Variants in STOX1 observed in about 807,000 individuals in gnomAD.
STOX1 encodes the protein storkhead-box protein 1.
A neutral mutation model predicts 74.8 loss-of-function variants in STOX1; 57 were observed. The observed-to-expected ratio is 0.76, with a 90% CI of 0.62 to 0.95. The LOEUF is 0.95. Among genes scored for constraint, STOX1 ranks in the 40% least tolerant of loss-of-function variants. The pLI, the probability that STOX1 is intolerant of heterozygous loss-of-function variation, is 0.00. For missense variants in STOX1, 1,010 were observed against 1,117.0 expected, an observed-to-expected ratio of 0.90 and a Z score of 1.37; for synonymous variants, 375 against 401.3, an observed-to-expected ratio of 0.93 and a Z score of 0.78.
intron 1 of STOX1, among the ~76,000 whole-genome samples, chr10:68,847,808 C>T (rs184714021): frequency 3.6e-4 from 54 of 151,756 alleles, no homozygotes; most frequent in African/African-American, 1.2e-3. Context: ...TCTCAACTAC[C>T]GAAACCTCCA....
intron 1 of STOX1, among the ~76,000 whole-genome samples, chr10:68,859,922 G>A (rs887665410): frequency 5.9e-5 from 9 of 151,814 alleles, no homozygotes; most frequent in Admixed American, 1.3e-4. Context: ...TGACATCATG[G>A]TCAGAAAATG....
chr10:68,882,830 G>A (rs1482018241), intron 2 of STOX1, among the ~76,000 whole-genome samples: 3 of 152,064 alleles, frequency 2.0e-5, no homozygotes, highest in South Asian at 2.1e-4. Context: ...CCCTCAACAC[G>A]TTTCTCTTAT....
chr10:68,893,790 TG>T (rs1410485385), downstream of STOX1, among the ~76,000 whole-genome samples: 2 of 152,280 alleles, frequency 1.3e-5, no homozygotes, highest in Admixed American at 1.3e-4. Flanking sequence ...GGAAGCAGAA[TG>T]GTTACCGAAT....
rs146125756 is a variant in STOX1, at chr10:68,836,942, C to G, written c.310+9009C>G. ...GCCCAGACATCTTGGTTCTCTAATA[C>G]CATTCCCCCTTCACCAAGCAACTGA... On this transcript the variant is annotated intron_variant, in intron 1 of 3. Transcript: ENST00000298596. Among the ~76,000 whole-genome samples the G allele has an allele frequency of 2.6e-5, 4 of 152,340 alleles. No individual in the cohort carries two copies. In the East Asian group the frequency reaches 7.7e-4, roughly 29 times the overall value.
intron 1 of STOX1, among the ~76,000 whole-genome samples, chr10:68,828,489 G>A (rs1422677172): frequency 6.6e-6 from 1 of 152,174 alleles, no homozygotes; most frequent in East Asian, 1.9e-4. Context: ...AGGTGTGCCT[G>A]GCCGCTGCTA....
chr10:68,867,031 G>A (rs929387024), intron 1 of STOX1, among the ~76,000 whole-genome samples: 5 of 144,046 alleles, frequency 3.5e-5, no homozygotes, highest in East Asian at 2.1e-4. Context: ...TGCAAGCTCC[G>A]CCTCCCGGGT....
chr10:68,831,948 G>A (rs1839424598), intron 1 of STOX1, among the ~76,000 whole-genome samples: 1 of 143,984 alleles, frequency 6.9e-6, no homozygotes. Flanking sequence ...TTTTTTAAGT[G>A]GAGACAGGGC....
intron 1 of STOX1, among the ~76,000 whole-genome samples, chr10:68,862,399 G>A (rs182931699): frequency 3.3e-5 from 5 of 152,048 alleles, no homozygotes; most frequent in Admixed American, 2.6e-4. Flanking sequence ...ATAATAATTA[G>A]GGATGTCAAC....
Position 68,827,584 on chromosome 10 carries a change from C to G in STOX1, c.-40C>G, listed in dbSNP as rs1220405808. ...GCGGCGTCGTAGCCGCCGCGCTCGC[C>G]GAGGCCCTGCGTTGCGGGCTCCCGG... On this transcript the variant is annotated 5_prime_UTR_variant, in exon 1 of 4. Transcript: ENST00000298596. The G allele has an allele frequency of 8.9e-7, 1 of 1,117,344 alleles. No individual in the cohort carries two copies. The highest frequency in any genetic ancestry group is 1.1e-6 in the Non-Finnish European group (1 of 913,840). 69.2% of individuals were successfully genotyped at this position (1,117,344 alleles called of 1,614,324 possible). A position where few individuals can be genotyped will look rare whatever the true frequency, so the allele number is the denominator to read the frequency against.
chr10:68,841,259 A>G (rs977427377), intron 1 of STOX1, among the ~76,000 whole-genome samples: 5 of 152,124 alleles, frequency 3.3e-5, no homozygotes, highest in Non-Finnish European at 7.4e-5. Flanking sequence ...TTTGATTTTT[A>G]AATATATATT....
intron 1 of STOX1, among the ~76,000 whole-genome samples, chr10:68,852,073 G>A (rs1314204819): frequency 6.6e-6 from 1 of 151,986 alleles, no homozygotes; most frequent in Non-Finnish European, 1.5e-5. Context: ...TGTGGAGGTT[G>A]CAGGGAGCCG....
intron 1 of STOX1, among the ~76,000 whole-genome samples, chr10:68,845,777 T>G (rs1392624955): frequency 6.6e-6 from 1 of 151,560 alleles, no homozygotes; most frequent in Non-Finnish European, 1.5e-5. Context: ...AATTTTTGTA[T>G]TTTTAGTAGA....
chr10:68,852,933 T>C (rs1840025766), intron 1 of STOX1, among the ~76,000 whole-genome samples: 1 of 151,914 alleles, frequency 6.6e-6, no homozygotes, highest in South Asian at 2.1e-4. Flanking sequence ...CTTCTTTTTT[T>C]TTTTTGGAGA....
rs569329181 is a variant in STOX1 at position 68,836,599 on chromosome 10, C to T, written c.310+8666C>T. Among the ~76,000 whole-genome samples, 248 of 152,192 alleles carry T rather than the reference C, an allele frequency of 1.6e-3. 1 individual carries two copies. Among genetic ancestry groups the T allele is most frequent in the Non-Finnish European group, 1.7e-3 (118 of 68,042 alleles). On this transcript the variant is annotated intron_variant, in intron 1 of 3. Transcript: ENST00000298596. ...CCTCAGCCCAGGTCCCAAGGGCTGC[C>T]TGGTGTCGGAGAAGGAGCCTGTACT...
intron 1 of STOX1, among the ~76,000 whole-genome samples, chr10:68,855,255 G>A (rs967090323): frequency 2.0e-5 from 3 of 149,600 alleles, no homozygotes; most frequent in Non-Finnish European, 4.4e-5. Context: ...CGAGTAGCTG[G>A]GACTACAGGC....
chr10:68,868,939 G>A (rs1057273077), intron 1 of STOX1, among the ~76,000 whole-genome samples: 1 of 152,164 alleles, frequency 6.6e-6, no homozygotes. Flanking sequence ...AAGAGCTGAG[G>A]TCACTAATTA....
At chr10:68,839,384 G>A (rs1417070023) in intron 1 of STOX1, among the ~76,000 whole-genome samples, 1 of 151,908 alleles carries the variant, frequency 6.6e-6, no homozygotes, top group Admixed American at 6.6e-5. Flanking sequence ...CACCACACCC[G>A]GCTAATTTTT....
At chr10:68,889,521 G>A (rs892862267) in intron 3 of STOX1, among the ~76,000 whole-genome samples, 1 of 152,066 alleles carries the variant, frequency 6.6e-6, no homozygotes, top group Non-Finnish European at 1.5e-5. Flanking sequence ...TGTAACTTAT[G>A]TATATCCTGT....
At chr10:68,854,132 A>G (rs567359446) in intron 1 of STOX1, among the ~76,000 whole-genome samples, 1 of 151,932 alleles carries the variant, frequency 6.6e-6, no homozygotes, top group Non-Finnish European at 1.5e-5. Flanking sequence ...AGTAGCTGGG[A>G]TTACAGGCAT....
Sources: gnomAD v4.1 joint callset for allele counts (sites outside exome capture counted in the v4.1 genomes callset) on GRCh38, gnomAD v4.1.1 for gene constraint, MANE v1.5 for transcripts, NCBI Gene and HGNC (gene_info 2026-07-23, HGNC 2026-07-21) for gene names.